TPM3: variants seen among roughly 807,000 people sequenced by gnomAD.
TPM3 encodes the protein tropomyosin alpha-3 chain.
A neutral mutation model predicts 43.1 loss-of-function variants in TPM3; 16 were observed. The observed-to-expected ratio is 0.37, with a 90% CI of 0.25 to 0.56. The LOEUF (loss-of-function observed/expected upper bound fraction) is 0.56, where lower values mean the gene tolerates loss of function less well. TPM3 is among the 20% of genes least tolerant of loss of function. The pLI, the probability that TPM3 is intolerant of heterozygous loss-of-function variation, is 0.77. For missense variants in TPM3, 176 were observed against 337.2 expected (o/e 0.52, Z 3.74); for synonymous variants, 101 against 116.9 (o/e 0.86, Z 0.88).
At chr1:154,170,960 T>G (rs1661509893) in intron 6 of TPM3, 1 of 564,082 alleles carries the variant, frequency 1.8e-6, no homozygotes, top group Admixed American at 3.0e-5. Context: ...TTGATATTAT[T>G]CAGATCAACC....
chr1:154,169,719 C>A, intron 8 of TPM3: 1 of 416,108 alleles, frequency 2.4e-6, no homozygotes, highest in South Asian at 2.4e-5. Context: ...CTTAATTGAA[C>A]AAAAATAGCA....
rs886045312 is a variant in TPM3 at position 154,167,448 on chromosome 1, A to C, written c.*489T>G. On this transcript the variant is annotated 3_prime_UTR_variant, in exon 10 of 10. Transcript: ENST00000651641. ...GGAGGAATACCTGAAGAGAGAATGG[A>C]AACACTGCAGGCAGGATGATTTAAG... is the stretch of plus-strand genomic sequence containing the variant. The C allele has an allele frequency of 6.2e-5, 67 of 1,074,108 alleles. No homozygotes were observed. Among genetic ancestry groups the C allele is most frequent in the Non-Finnish European group, 7.4e-5 (65 of 883,604 alleles). The allele number at this position is 1,074,108 out of a possible 1,614,324, so 66.5% of individuals were successfully genotyped here. A position where few individuals can be genotyped will look rare whatever the true frequency, so the allele number is the denominator to read the frequency against.
chr1:154,160,228 G>C (rs1426305450), downstream of TPM3, among the ~76,000 whole-genome samples: 2 of 151,932 alleles, frequency 1.3e-5, no homozygotes, highest in Non-Finnish European at 2.9e-5. Context: ...ATCAACCTCT[G>C]AAATTCACAA....
In TPM3 at chr1:154,173,322, A is replaced by C. The variant is rs1338678701; in HGVS notation, c.378-121T>G. 6 of 831,656 alleles carry C rather than the reference A, an allele frequency of 7.2e-6. No homozygotes were observed. In the African/African-American group the frequency reaches 8.4e-5, roughly 12 times the overall value. 51.5% of individuals were successfully genotyped at this position (831,656 alleles called of 1,614,324 possible). ...TCCTCTCTGTCTGCCCCTCAAATGGAAATTCCATGTTACTACTCCCACACC... is the reference window on the plus strand; with the variant it reads ...TCCTCTCTGTCTGCCCCTCAAATGGCAATTCCATGTTACTACTCCCACACC... On this transcript the variant is annotated intron_variant, in intron 3 of 9. Transcript: ENST00000651641.
chr1:154,186,122 T>C (rs1281720451), intron 2 of TPM3, among the ~76,000 whole-genome samples: 1 of 151,650 alleles, frequency 6.6e-6, no homozygotes. Context: ...ACACTGATTT[T>C]TCCCCCAGAA....
At chr1:154,190,731 A>G (rs1663644221) in intron 2 of TPM3, among the ~76,000 whole-genome samples, 2 of 152,216 alleles carry the variant, frequency 1.3e-5, no homozygotes, top group South Asian at 2.1e-4. Context: ...TGTGACCTCC[A>G]TTTCCCATTG....
chr1:154,157,536 A>T (rs965567710), downstream of TPM3: 2 of 765,200 alleles, frequency 2.6e-6, no homozygotes, highest in African/African-American at 3.4e-5. Flanking sequence ...GCAGCCTTCC[A>T]GTTAAAGATC....
At chr1:154,160,891 G>A (rs1042265107), downstream of TPM3, among the ~76,000 whole-genome samples, 1 of 152,050 alleles carries the variant, frequency 6.6e-6, no homozygotes, top group Non-Finnish European at 1.5e-5. Context: ...ACATACAGAT[G>A]TGTGTGTTTG....
rs750982990 is a variant in TPM3 at position 154,164,308 on chromosome 1, C to G, written c.*3629G>C. On this transcript the variant is annotated 3_prime_UTR_variant, in exon 10 of 10. Coordinates refer to ENST00000651641, the MANE Select transcript of TPM3 (RefSeq NM_152263.4). ...CTCCAAGTAGATAGGACTGCAGGCA[C>G]GCACCACCATGTTTGGCTAAGTTTT... 6.6e-6 allele frequency among the ~76,000 whole-genome samples: 1 copy of G among 152,056 alleles called. No homozygotes were observed. The highest frequency in any genetic ancestry group is 1.5e-5 in the Non-Finnish European group (1 of 68,018).
intron 8 of TPM3, 95 bp from the exon 9 acceptor site, chr1:154,169,478 G>T: frequency 1.5e-6 from 2 of 1,294,844 alleles, no homozygotes; most frequent in Non-Finnish European, 2.2e-6. Flanking sequence ...AATTAGGAAA[G>T]TGTGACTGTG....
At chr1:154,172,132 C>T in intron 5 of TPM3, 1 of 1,612,600 alleles carries the variant, frequency 6.2e-7, no homozygotes, top group Non-Finnish European at 8.5e-7. Flanking sequence ...GGGGATGGCA[C>T]AAGCCAGGTT....
At chr1:154,187,472 A>G (rs546384663) in intron 2 of TPM3, 434 of 984,532 alleles carry the variant, frequency 4.4e-4, no homozygotes, top group Middle Eastern at 5.2e-4. Flanking sequence ...TTGAATGAGT[A>G]TTTTTAACCC....
intron 5 of TPM3, chr1:154,171,965 AAAAAC>A (rs1169697237): frequency 8.8e-6 from 14 of 1,587,640 alleles, no homozygotes; most frequent in African/African-American, 1.3e-5. Context: ...GCTGCAAAAC[AAAAAC>A]AAAACAAAAC....
At chr1:154,178,312 T>C (rs953908271) in intron 2 of TPM3, 1 of 417,674 alleles carries the variant, frequency 2.4e-6, no homozygotes, top group African/African-American at 2.2e-5. Context: ...TTAGCAAGGC[T>C]GAAAAGGGAG....
At chr1:154,180,281 C>T (rs1662801247) in intron 2 of TPM3, among the ~76,000 whole-genome samples, 1 of 152,066 alleles carries the variant, frequency 6.6e-6, no homozygotes, top group Admixed American at 6.6e-5. Flanking sequence ...AGTGACAATC[C>T]CACTAACAGC....
intron 2 of TPM3, among the ~76,000 whole-genome samples, chr1:154,182,577 G>A (rs919579721): frequency 6.6e-6 from 1 of 151,598 alleles, no homozygotes; most frequent in African/African-American, 2.4e-5. Flanking sequence ...GAACAGAGAA[G>A]CACCCACCCA....
chr1:154,171,606 TG>T, intron 5 of TPM3, 118 bp from the exon 6 acceptor site: 1 of 1,113,854 alleles, frequency 9.0e-7, no homozygotes. Flanking sequence ...GAAGGCATAC[TG>T]GGGAAGAGAT....
rs772467422 is a variant in TPM3, at chr1:154,166,382, C to T, written c.*1555G>A. ...GGCCAGTTCACCCCTTCTTAGGCAA[C>T]CTTGTTGTTCTCCACTCCCAGGAGG... On this transcript the variant is annotated 3_prime_UTR_variant, in exon 10 of 10. Transcript: ENST00000651641. 16 of 325,490 alleles carry T rather than the reference C, an allele frequency of 4.9e-5. No homozygotes were observed. The highest frequency in any genetic ancestry group is 7.3e-5 in the Non-Finnish European group (15 of 204,946). 20.2% of individuals were successfully genotyped at this position (325,490 alleles called of 1,614,324 possible). A position where few individuals can be genotyped will look rare whatever the true frequency, so the allele number is the denominator to read the frequency against.
downstream of TPM3, among the ~76,000 whole-genome samples, chr1:154,160,815 A>C (rs1171182855): frequency 6.6e-6 from 1 of 152,196 alleles, no homozygotes; most frequent in East Asian, 1.9e-4. Flanking sequence ...CAAAATCTGA[A>C]ACTTTTTGAA....
Sources: gnomAD v4.1 joint callset for allele counts (sites outside exome capture counted in the v4.1 genomes callset) on GRCh38, gnomAD v4.1.1 for gene constraint, MANE v1.5 for transcripts, NCBI Gene and HGNC (gene_info 2026-07-23, HGNC 2026-07-21) for gene names.